DRD2: variants seen among roughly 807,000 people sequenced by gnomAD.
DRD2 encodes the protein D(2) dopamine receptor.
In DRD2, 8 loss-of-function variants were observed where a neutral mutation model predicts 38.0. The observed-to-expected ratio is 0.21, with a 90% CI of 0.12 to 0.38. The LOEUF (loss-of-function observed/expected upper bound fraction) is 0.38, where lower values mean the gene tolerates loss of function less well. Among genes scored for constraint, DRD2 ranks in the 10% least tolerant of loss-of-function variants. The pLI, the probability that DRD2 is intolerant of heterozygous loss-of-function variation, is 1.00. For missense variants in DRD2, 403 were observed against 607.7 expected, an observed-to-expected ratio of 0.66 and a Z score of 3.54; for synonymous variants, 230 against 238.6, an observed-to-expected ratio of 0.96 and a Z score of 0.33.
intron 1 of DRD2, among the ~76,000 whole-genome samples, chr11:113,441,903 G>A (rs1207226552): frequency 2.7e-5 from 4 of 148,964 alleles, no homozygotes; most frequent in Non-Finnish European, 5.9e-5. Flanking sequence ...AGCTGAGATC[G>A]CACCACTGCA....
At chr11:113,411,007 T>G in intron 7 of DRD2, 87 bp from the exon 8 acceptor site, 1 of 1,438,896 alleles carries the variant, frequency 6.9e-7, no homozygotes, top group South Asian at 1.3e-5. Context: ...CTGGCTCGTA[T>G]GCCAAGACGG....
chr11:113,455,681 A>T (rs1418187497), intron 1 of DRD2, among the ~76,000 whole-genome samples: 7 of 152,204 alleles, frequency 4.6e-5, no homozygotes, highest in Non-Finnish European at 1.0e-4. Flanking sequence ...TATATTTTTT[A>T]AAAATGCTCA....
chr11:113,449,378 G>A (rs1290284911), intron 1 of DRD2, among the ~76,000 whole-genome samples: 1 of 152,176 alleles, frequency 6.6e-6, no homozygotes, highest in African/African-American at 2.4e-5. Flanking sequence ...CCTGGGGGAG[G>A]AGGGAAACTG....
At chr11:113,417,115 A>G (rs182932939) in intron 3 of DRD2, 116 bp from the exon 4 acceptor site, 259 of 1,430,522 alleles carry the variant, frequency 1.8e-4, no homozygotes, top group African/African-American at 2.4e-4. Flanking sequence ...ACACACCTCT[A>G]TGAAGCTTGC....
chr11:113,466,021 T>G (rs766628402), intron 1 of DRD2, among the ~76,000 whole-genome samples: 17 of 152,246 alleles, frequency 1.1e-4, no homozygotes, highest in Non-Finnish European at 2.9e-5. Flanking sequence ...ATAGTCATCC[T>G]GTTTTATGAA....
rs1262220904 is a variant in DRD2 at position 113,446,371 on chromosome 11, G to A, written c.-31-21689C>T. Among the ~76,000 whole-genome samples, 4 of 152,156 alleles carry A rather than the reference G, an allele frequency of 2.6e-5. No homozygotes were observed. In the East Asian group the frequency reaches 5.8e-4, roughly 22 times the overall value. ...GAGAAAACACAGCAGTCATAGTAAC[G>A]GTAGCTCCTGTTTATTGACTGTTCA... On this transcript the variant is annotated intron_variant, in intron 1 of 7. Transcript: ENST00000362072.
rs763771285 is a variant in DRD2, at chr11:113,409,792, G to A, written c.*935C>T. ...CCTCTAAGGCAGAGGCAGTGGAAGG[G>A]AAGGGAAACAGGAGAGAGGAAAGGC... On this transcript the variant is annotated 3_prime_UTR_variant, in exon 8 of 8. Transcript: ENST00000362072. The A allele has an allele frequency of 6.5e-6, 1 of 153,038 alleles. No individual in the cohort carries two copies. Among genetic ancestry groups the A allele is most frequent in the Admixed American group, 6.5e-5 (1 of 15,292 alleles). 9.5% of individuals were successfully genotyped at this position (153,038 alleles called of 1,614,324 possible).
intron 1 of DRD2, among the ~76,000 whole-genome samples, chr11:113,469,529 A>G (rs75924850): frequency 0.023 from 3,514 of 152,278 alleles, 129 homozygotes; most frequent in East Asian, 0.17. Flanking sequence ...GAAACGTGTG[A>G]CCTTGTGCAA....
intron 1 of DRD2, among the ~76,000 whole-genome samples, chr11:113,443,703 GCTCA>G (rs1386692245): frequency 6.6e-6 from 1 of 152,104 alleles, no homozygotes; most frequent in East Asian, 1.9e-4. Context: ...CATTAGTTTA[GCTCA>G]CTATTTCATA....
chr11:113,468,682 A>G (rs953418461), intron 1 of DRD2, among the ~76,000 whole-genome samples: 1 of 152,060 alleles, frequency 6.6e-6, no homozygotes, highest in Admixed American at 6.5e-5. Context: ...TGAGTAGCTG[A>G]GACCACAGGT....
chr11:113,436,580 T>G (rs985416185), intron 1 of DRD2, among the ~76,000 whole-genome samples: 13 of 152,146 alleles, frequency 8.5e-5, no homozygotes, highest in African/African-American at 3.1e-4. Context: ...TATTTACAGA[T>G]GAAATTATAT....
chr11:113,432,393 AG>A (rs534974440), intron 1 of DRD2, among the ~76,000 whole-genome samples: 41 of 152,040 alleles, frequency 2.7e-4, no homozygotes, highest in South Asian at 1.0e-3. Context: ...GGTGGGGGAC[AG>A]AAGCCCTGGA....
At chr11:113,435,108 C>G (rs1396280059) in intron 1 of DRD2, among the ~76,000 whole-genome samples, 1 of 152,134 alleles carries the variant, frequency 6.6e-6, no homozygotes, top group Non-Finnish European at 1.5e-5. Flanking sequence ...CTCTGAGAGG[C>G]CTGAGCAGCA....
chr11:113,457,959 A>C (rs7948028), intron 1 of DRD2, among the ~76,000 whole-genome samples: 40,628 of 152,332 alleles, frequency 0.27, 6,472 homozygotes, highest in Middle Eastern at 0.4. Flanking sequence ...ACAGCAGGCC[A>C]GCAGCAGCCT....
chr11:113,413,030 G>C (rs1272077318), intron 6 of DRD2, 147 bp from the exon 7 acceptor site: 23 of 928,550 alleles, frequency 2.5e-5, no homozygotes, highest in Non-Finnish European at 3.1e-5. Context: ...ATGTCACTGA[G>C]GCATGGGACC....
chr11:113,417,903 C>T (rs1950841981), intron 3 of DRD2, 124 bp downstream of exon 3: 1 of 765,486 alleles, frequency 1.3e-6, no homozygotes, highest in Admixed American at 2.0e-5. Context: ...AACACATGGA[C>T]CCCCATGCAC....
chr11:113,452,903 C>A (rs576773126), intron 1 of DRD2, among the ~76,000 whole-genome samples: 19 of 152,024 alleles, frequency 1.2e-4, no homozygotes, highest in Non-Finnish European at 2.2e-4. Flanking sequence ...CTACCCGCCT[C>A]GGCCTCCCAA....
chr11:113,464,994 C>G (rs1249021422), intron 1 of DRD2, among the ~76,000 whole-genome samples: 1 of 152,178 alleles, frequency 6.6e-6, no homozygotes, highest in African/African-American at 2.4e-5. Context: ...CCTCCACTGC[C>G]CCTCCCTAGA....
At chr11:113,434,175 G>A (rs1951015665) in intron 1 of DRD2, among the ~76,000 whole-genome samples, 1 of 152,228 alleles carries the variant, frequency 6.6e-6, no homozygotes, top group Non-Finnish European at 1.5e-5. Context: ...ACCCAGCACA[G>A]GTGTAATGAA....
Sources: gnomAD v4.1 joint callset for allele counts (sites outside exome capture counted in the v4.1 genomes callset) on GRCh38, gnomAD v4.1.1 for gene constraint, MANE v1.5 for transcripts, NCBI Gene and HGNC (gene_info 2026-07-23, HGNC 2026-07-21) for gene names.